SLC4A10: variants seen among roughly 807,000 people sequenced by gnomAD.
The protein encoded by SLC4A10 is solute carrier family 4 member 10.
Under a neutral mutation model 137.7 loss-of-function variants are expected in SLC4A10, and 42 were observed. The observed-to-expected ratio is 0.30, with a 90% CI of 0.24 to 0.39. The LOEUF (loss-of-function observed/expected upper bound fraction) is 0.39, where lower values mean the gene tolerates loss of function less well. Among genes scored for constraint, SLC4A10 ranks in the 10% least tolerant of loss-of-function variants. SLC4A10 has a pLI of 1.00. For synonymous variants in SLC4A10, 474 were observed against 464.1 expected, an observed-to-expected ratio of 1.02 and a Z score of -0.27; for missense variants, 925 against 1,355.0, an observed-to-expected ratio of 0.68 and a Z score of 4.98.
intron 1 of SLC4A10, among the ~76,000 whole-genome samples, chr2:161,640,828 G>C (rs2035216115): frequency 6.6e-6 from 1 of 151,890 alleles, no homozygotes; most frequent in African/African-American, 2.4e-5. Flanking sequence ...ACCCTCCCTG[G>C]CCTGCATTTT....
chr2:161,950,930 T>A, intron 19 of SLC4A10, 82 bp downstream of exon 19: 1 of 1,136,880 alleles, frequency 8.8e-7, no homozygotes, highest in South Asian at 1.6e-5. Context: ...ATATTCTGTA[T>A]TCATTTGCAC....
intron 19 of SLC4A10, among the ~76,000 whole-genome samples, chr2:161,953,577 T>C (rs567851738): frequency 8.6e-4 from 130 of 151,732 alleles, no homozygotes; most frequent in South Asian, 3.8e-3. Flanking sequence ...CATTGCACCC[T>C]GGCCTGGGCG....
At chr2:161,644,040 A>C (rs1290377307) in intron 1 of SLC4A10, among the ~76,000 whole-genome samples, 1 of 148,250 alleles carries the variant, frequency 6.7e-6, no homozygotes, top group Non-Finnish European at 1.5e-5. Flanking sequence ...TGCTATACAA[A>C]GTCACTTCTT....
At chr2:161,852,727 T>C (rs1311640527) in intron 4 of SLC4A10, among the ~76,000 whole-genome samples, 1 of 152,124 alleles carries the variant, frequency 6.6e-6, no homozygotes, top group Non-Finnish European at 1.5e-5. Flanking sequence ...TACTATATTA[T>C]GGTGGGAAAT....
intron 6 of SLC4A10, among the ~76,000 whole-genome samples, chr2:161,868,362 C>G (rs188646593): frequency 4.0e-5 from 6 of 151,714 alleles, no homozygotes; most frequent in Non-Finnish European, 7.4e-5. Flanking sequence ...ACCAGTCTCA[C>G]AATACACTTA....
At chr2:161,942,468 A>G (rs778932322) in intron 15 of SLC4A10, among the ~76,000 whole-genome samples, 1 of 152,164 alleles carries the variant, frequency 6.6e-6, no homozygotes, top group Non-Finnish European at 1.5e-5. Context: ...ATTTTAATTG[A>G]TATGATTTTA....
At chr2:161,696,234 A>G (rs1387445546) in intron 1 of SLC4A10, among the ~76,000 whole-genome samples, 5 of 152,174 alleles carry the variant, frequency 3.3e-5, no homozygotes, top group South Asian at 2.1e-4. Flanking sequence ...CCTACAAAGG[A>G]CAAGAACTCA....
intron 2 of SLC4A10, among the ~76,000 whole-genome samples, chr2:161,800,874 C>A (rs2055303162): frequency 6.6e-6 from 1 of 151,962 alleles, no homozygotes; most frequent in Non-Finnish European, 1.5e-5. Flanking sequence ...ACTCACCCAA[C>A]CAGAGGTCGC....
intron 5 of SLC4A10, among the ~76,000 whole-genome samples, chr2:161,855,882 T>A (rs2060071296): frequency 6.6e-6 from 1 of 152,054 alleles, no homozygotes; most frequent in Non-Finnish European, 1.5e-5. Context: ...GTTATTAGTT[T>A]GGGAAAAAAT....
intron 4 of SLC4A10, among the ~76,000 whole-genome samples, chr2:161,842,912 C>T (rs965671125): frequency 4.6e-5 from 7 of 152,084 alleles, no homozygotes; most frequent in Non-Finnish European, 8.8e-5. Flanking sequence ...CTGTCTGCCA[C>T]GAGTTACAAG....
chr2:161,948,986 C>G (rs186342300), intron 17 of SLC4A10, among the ~76,000 whole-genome samples, 162 bp from the exon 18 acceptor site: 1 of 152,126 alleles, frequency 6.6e-6, no homozygotes, highest in East Asian at 1.9e-4. Context: ...AATATATATT[C>G]AGGTTCTGAC....
chr2:161,670,802 T>C (rs1045806096), intron 1 of SLC4A10, among the ~76,000 whole-genome samples: 2 of 152,060 alleles, frequency 1.3e-5, no homozygotes, highest in African/African-American at 2.4e-5. Flanking sequence ...ACATTTCCTG[T>C]AGTCAGGAAA....
intron 2 of SLC4A10, among the ~76,000 whole-genome samples, chr2:161,787,716 T>C (rs2053781289): frequency 6.6e-6 from 1 of 152,182 alleles, no homozygotes; most frequent in Non-Finnish European, 1.5e-5. Flanking sequence ...CTTTTGTTAA[T>C]GTTTTCAATT....
chr2:161,830,799 T>A (rs2058386091), intron 3 of SLC4A10, among the ~76,000 whole-genome samples: 1 of 152,196 alleles, frequency 6.6e-6, no homozygotes, highest in Admixed American at 6.5e-5. Context: ...TCATCCATTC[T>A]AGCAAAAAGA....
intron 12 of SLC4A10, among the ~76,000 whole-genome samples, chr2:161,903,592 C>T (rs575809973): frequency 4.4e-4 from 67 of 152,238 alleles, no homozygotes; most frequent in African/African-American, 1.4e-3. Context: ...ACCCTCCCTC[C>T]CTCACTTCCT....
intron 13 of SLC4A10, 60 bp from the exon 14 acceptor site, chr2:161,904,716 C>T: frequency 6.3e-7 from 1 of 1,589,784 alleles, no homozygotes; most frequent in Non-Finnish European, 8.6e-7. Context: ...ATGTCTTCTC[C>T]TTAGCTACAA....
chr2:161,804,351 G>A (rs903146258), intron 2 of SLC4A10, 98 bp from the exon 3 acceptor site: 3 of 1,319,878 alleles, frequency 2.3e-6, no homozygotes, highest in African/African-American at 1.5e-5. Flanking sequence ...ATGACTTGCT[G>A]AATTAAATTA....
intron 2 of SLC4A10, among the ~76,000 whole-genome samples, chr2:161,804,013 T>G (rs1317981094): frequency 6.6e-6 from 1 of 152,188 alleles, no homozygotes; most frequent in East Asian, 1.9e-4. Context: ...CTGTGGAATT[T>G]GGCATTAACA....
intron 3 of SLC4A10, among the ~76,000 whole-genome samples, chr2:161,839,244 A>G (rs951418351): frequency 1.2e-4 from 18 of 152,256 alleles, no homozygotes; most frequent in Admixed American, 6.5e-5. Flanking sequence ...TTCCACTTAC[A>G]TGACATTTTG....
Sources: allele counts gnomAD v4.1 joint callset (sites outside exome capture counted in the v4.1 genomes callset), GRCh38; gene constraint gnomAD v4.1.1; transcripts MANE v1.5; gene names NCBI Gene and HGNC (gene_info 2026-07-23, HGNC 2026-07-21).